MACF1: variants seen among roughly 807,000 people sequenced by gnomAD.
MACF1 encodes the protein microtubule-actin cross-linking factor 1.
In MACF1, 193 loss-of-function variants were observed where a neutral mutation model predicts 854.8. That is an observed-to-expected ratio of 0.23 (90% CI 0.20 to 0.25). MACF1 has a LOEUF of 0.25. Ranked by LOEUF, MACF1 falls within the 10% of genes least tolerant of loss-of-function variation. MACF1 has a pLI of 1.00. For synonymous variants in MACF1, 3,185 were observed against 3,226.7 expected (o/e 0.99, Z 0.44); for missense variants, 7,722 against 8,929.1 (o/e 0.86, Z 5.45).
chr1:39,318,743 G>A (rs958925147), intron 30 of MACF1, 128 bp downstream of exon 30: 4 of 1,075,372 alleles, frequency 3.7e-6, no homozygotes, highest in Non-Finnish European at 5.2e-6. Context: ...TTTTCTTTGA[G>A]TGGTTTGAGC....
intron 2 of MACF1, among the ~76,000 whole-genome samples, chr1:39,190,844 A>G (rs1386030894): frequency 6.6e-6 from 1 of 151,502 alleles, no homozygotes; most frequent in Admixed American, 6.6e-5. Flanking sequence ...AAAATACAAA[A>G]ATTAGCCGGG....
chr1:39,395,728 A>G (rs1370896004), intron 58 of MACF1, among the ~76,000 whole-genome samples: 1 of 152,102 alleles, frequency 6.6e-6, no homozygotes, highest in East Asian at 1.9e-4. Flanking sequence ...CACCCCACAA[A>G]GAATTCCAAT....
At chr1:39,424,569 A>G (rs1643662300) in intron 61 of MACF1, among the ~76,000 whole-genome samples, 1 of 152,132 alleles carries the variant, frequency 6.6e-6, no homozygotes, top group Non-Finnish European at 1.5e-5. Flanking sequence ...TGGAATTGAA[A>G]TGTGTCATAT....
At chr1:39,386,660 G>A (rs1641804979) in intron 57 of MACF1, among the ~76,000 whole-genome samples, 1 of 152,164 alleles carries the variant, frequency 6.6e-6, no homozygotes, top group African/African-American at 2.4e-5. Context: ...TCGAACTCTT[G>A]ACCTCGTGAT....
At chr1:39,319,596 A>T in intron 30 of MACF1, 68 bp from the exon 31 acceptor site, 1 of 1,126,140 alleles carries the variant, frequency 8.9e-7, no homozygotes, top group South Asian at 1.3e-5. Context: ...GCCTTAGAAC[A>T]TAGTAAATGT....
intron 31 of MACF1, among the ~76,000 whole-genome samples, chr1:39,320,611 C>T (rs536060601): frequency 6.6e-6 from 1 of 152,160 alleles, no homozygotes; most frequent in East Asian, 1.9e-4. Context: ...TAAATTCTTA[C>T]ATGGTTTATA....
At chr1:39,445,411 A>G (rs1419800513) in intron 80 of MACF1, among the ~76,000 whole-genome samples, 1 of 152,250 alleles carries the variant, frequency 6.6e-6, no homozygotes, top group Non-Finnish European at 1.5e-5. Context: ...CAGATCAAGT[A>G]TGAAATATAT....
At position 39,133,256 on chromosome 1, in the gene MACF1, G is replaced by A. The variant is rs534318056; in HGVS notation, c.220+48818G>A. Reference sequence around the variant, plus strand: ...TGGGAGCTGGTTGCTAACAAGCAGCGCCGCCTGTGGACCTGCACAGCCACT... The same window carrying A: ...TGGGAGCTGGTTGCTAACAAGCAGCACCGCCTGTGGACCTGCACAGCCACT... On this transcript the variant is annotated intron_variant, in intron 2 of 93. Transcript: ENST00000361689. Among the ~76,000 whole-genome samples the A allele has an allele frequency of 2.3e-3, 344 of 152,286 alleles. 2 individuals carry two copies. The highest frequency in any genetic ancestry group is 7.9e-3 in the African/African-American group (328 of 41,568).
intron 14 of MACF1, among the ~76,000 whole-genome samples, chr1:39,286,859 A>C: frequency 6.6e-6 from 1 of 152,232 alleles, no homozygotes; most frequent in Admixed American, 6.5e-5. Context: ...CATTTGTCTT[A>C]AAAACAATTC....
At chr1:39,234,505 G>GC (rs1284271250) in intron 2 of MACF1, among the ~76,000 whole-genome samples, 1 of 88,724 alleles carries the variant, frequency 1.1e-5, no homozygotes, top group Non-Finnish European at 2.3e-5. Context: ...GGGCAGAGGC[G>GC]CCCCTCACCT....
intron 29 of MACF1, among the ~76,000 whole-genome samples, chr1:39,317,752 A>AT (rs1360180524): frequency 6.6e-6 from 1 of 152,174 alleles, no homozygotes; most frequent in Admixed American, 6.5e-5. Context: ...AATATGAGCC[A>AT]TTTTTTATGA....
intron 2 of MACF1, chr1:39,121,072 T>G (rs1443971265): frequency 6.6e-6 from 1 of 152,180 alleles, no homozygotes; most frequent in East Asian, 1.9e-4. Context: ...AGAATAGAGG[T>G]TTTTATTTGT....
intron 52 of MACF1, chr1:39,372,919 A>G: frequency 7.4e-6 from 2 of 269,414 alleles, no homozygotes; most frequent in Non-Finnish European, 1.4e-5. Context: ...TGGGATGGGT[A>G]AGCATCATCT....
At chr1:39,325,815 G>A (rs1346916408) in intron 35 of MACF1, among the ~76,000 whole-genome samples, 2 of 152,210 alleles carry the variant, frequency 1.3e-5, no homozygotes, top group Non-Finnish European at 2.9e-5. Context: ...GAAATAGGTG[G>A]AGAGGTTTGT....
chr1:39,280,949 G>A (rs1195438059), intron 6 of MACF1, among the ~76,000 whole-genome samples: 1 of 152,132 alleles, frequency 6.6e-6, no homozygotes, highest in East Asian at 1.9e-4. Context: ...AGAATCGAAG[G>A]AAGACCAGCC....
chr1:39,266,959 G>A (rs966575675), intron 6 of MACF1, among the ~76,000 whole-genome samples: 1 of 152,002 alleles, frequency 6.6e-6, no homozygotes, highest in African/African-American at 2.4e-5. Flanking sequence ...CCTCTTTTTG[G>A]CAGCTTCTTC....
chr1:39,272,286 A>G (rs1054774049), intron 6 of MACF1, among the ~76,000 whole-genome samples: 2 of 152,246 alleles, frequency 1.3e-5, no homozygotes, highest in East Asian at 3.8e-4. Context: ...AACTGTCTTC[A>G]GGGAGCTGCT....
chr1:39,452,842 A>T (rs753653462), intron 87 of MACF1, 30 bp downstream of exon 87: 4 of 1,609,572 alleles, frequency 2.5e-6, no homozygotes, highest in Non-Finnish European at 3.4e-6. Flanking sequence ...TGGTGACCTC[A>T]TGCTACCTAC....
chr1:39,482,296 A>G (rs1645024603), intron 99 of MACF1, among the ~76,000 whole-genome samples: 1 of 152,214 alleles, frequency 6.6e-6, no homozygotes, highest in South Asian at 2.1e-4. Context: ...CTATGTGGCC[A>G]GGAAATTTTG....
Sources: allele counts gnomAD v4.1 joint callset (sites outside exome capture counted in the v4.1 genomes callset), GRCh38; gene constraint gnomAD v4.1.1; transcripts MANE v1.5; gene names NCBI Gene and HGNC (gene_info 2026-07-23, HGNC 2026-07-21).